The following ADAMTSL1 variants were observed in gnomAD, a reference collection of about 807,000 sequenced individuals.
The protein encoded by ADAMTSL1 is ADAMTS like 1.
ADAMTSL1 carries 126 observed loss-of-function variants against 201.8 expected under a neutral mutation model. The observed-to-expected ratio is 0.62, with a 90% confidence interval of 0.54 to 0.72. The LOEUF is 0.72. Among genes scored for constraint, ADAMTSL1 ranks in the 30% least tolerant of loss-of-function variants. The probability of loss-of-function intolerance (pLI) is 0.00; values close to 1 mark genes in which losing one functional copy is unlikely to be tolerated. For synonymous variants in ADAMTSL1, 1,121 were observed against 903.4 expected, an observed-to-expected ratio of 1.24 and a Z score of -4.32; for missense variants, 2,679 against 2,277.8, an observed-to-expected ratio of 1.18 and a Z score of -3.59.
chr9:18,859,506 T>C (rs1260944933), intron 23 of ADAMTSL1, among the ~76,000 whole-genome samples: 1 of 152,206 alleles, frequency 6.6e-6, no homozygotes, highest in Non-Finnish European at 1.5e-5. Flanking sequence ...GGGATTAGGG[T>C]GTGGATTTCT....
chr9:18,745,683 T>C lies in ADAMTSL1; in HGVS notation c.2007-7615T>C, dbSNP rs7853353. On this transcript the variant is annotated intron_variant, in intron 15 of 28. Transcript: ENST00000380548. The stretch of plus-strand genomic sequence containing the variant: ...ATATGTATAGTTGTATATACTCATT[T>C]ATATCTGTTGATATATCTGTGTCTA... Among the ~76,000 whole-genome samples the C allele has an allele frequency of 1.1e-3, 173 of 152,364 alleles. 1 individual carries two copies. The highest frequency in any genetic ancestry group is 3.8e-3 in the African/African-American group (158 of 41,582).
intron 15 of ADAMTSL1, 48 bp downstream of exon 15, chr9:18,721,713 T>G (rs897968984): frequency 1.9e-5 from 30 of 1,583,856 alleles, no homozygotes; most frequent in Non-Finnish European, 2.3e-5. Flanking sequence ...CGTACAGAAC[T>G]GGGCGCATCT....
At chr9:18,640,287 C>G (rs1827357970) in intron 7 of ADAMTSL1, among the ~76,000 whole-genome samples, 1 of 152,148 alleles carries the variant, frequency 6.6e-6, no homozygotes, top group African/African-American at 2.4e-5. Context: ...GAGCAAGAAG[C>G]TACAAGCCAT....
chr9:18,187,668 C>G (rs1346385018), intron 2 of ADAMTSL1, among the ~76,000 whole-genome samples: 1 of 151,984 alleles, frequency 6.6e-6, no homozygotes, highest in Non-Finnish European at 1.5e-5. Flanking sequence ...TTTGGACTTT[C>G]TTCCCTGTAA....
chr9:18,726,241 A>G lies in ADAMTSL1; in HGVS notation c.2006+4576A>G, dbSNP rs1587993382. On this transcript the variant is annotated intron_variant, in intron 15 of 28. Transcript: ENST00000380548. ...CTTCAGTCTGGGCGTGGTGGCTCACACCTGTAATCCCAGTACTTTGGGAGG... is the reference window on the plus strand; with the variant it reads ...CTTCAGTCTGGGCGTGGTGGCTCACGCCTGTAATCCCAGTACTTTGGGAGG... Among the ~76,000 whole-genome samples, 4 of 152,312 alleles carry G rather than the reference A, an allele frequency of 2.6e-5. No individual in the cohort carries two copies. The East Asian group carries it at 7.7e-4, about 29-fold the overall frequency.
At chr9:18,232,410 T>G (rs1238231184) in intron 2 of ADAMTSL1, among the ~76,000 whole-genome samples, 1 of 152,204 alleles carries the variant, frequency 6.6e-6, no homozygotes, top group Non-Finnish European at 1.5e-5. Context: ...GGCCTGCAAC[T>G]TCCCTTCTCC....
chr9:18,450,015 T>C (rs569814807), intron 2 of ADAMTSL1, among the ~76,000 whole-genome samples: 1 of 152,326 alleles, frequency 6.6e-6, no homozygotes, highest in South Asian at 2.1e-4. Context: ...AGCAATCCCA[T>C]TCCTAGGTAT....
At chr9:18,070,540 A>G (rs1364462078) in intron 1 of ADAMTSL1, among the ~76,000 whole-genome samples, 2 of 152,208 alleles carry the variant, frequency 1.3e-5, no homozygotes, top group African/African-American at 4.8e-5. Context: ...TGCAAATTTG[A>G]GGAAGCGTTT....
intron 25 of ADAMTSL1, chr9:18,890,699 G>C (rs1317403214): frequency 4.8e-6 from 2 of 413,962 alleles, no homozygotes; most frequent in Non-Finnish European, 9.8e-6. Context: ...CTGTAACATA[G>C]CCTGGCCCGC....
chr9:18,843,135 G>T (rs1825843855), intron 23 of ADAMTSL1, among the ~76,000 whole-genome samples: 1 of 150,688 alleles, frequency 6.6e-6, no homozygotes, highest in Non-Finnish European at 1.5e-5. Context: ...AGCCTCAATG[G>T]TCTTTACAAT....
chr9:18,841,399 G>C (rs1280462842), intron 23 of ADAMTSL1, among the ~76,000 whole-genome samples: 2 of 152,008 alleles, frequency 1.3e-5, no homozygotes, highest in African/African-American at 4.8e-5. Context: ...ACTTGATCAT[G>C]GTGGATAAGC....
intron 1 of ADAMTSL1, among the ~76,000 whole-genome samples, chr9:17,969,017 T>C (rs1027248499): frequency 5.9e-5 from 9 of 152,188 alleles, no homozygotes; most frequent in African/African-American, 1.7e-4. Flanking sequence ...AGGAGTTCTG[T>C]ATGATAAAAA....
In ADAMTSL1 at chr9:18,511,775, T is replaced by C. The variant is rs530707255; in HGVS notation, c.191+6819T>C. Among the ~76,000 whole-genome samples, 10 of 152,330 alleles carry C rather than the reference T, an allele frequency of 6.6e-5. No homozygotes were observed. The South Asian group carries it at 2.1e-3, about 32-fold the overall frequency. On this transcript the variant is annotated intron_variant, in intron 2 of 28. Coordinates refer to ENST00000380548, the MANE Select transcript of ADAMTSL1 (RefSeq NM_001040272.6). ...TATAGGCTTTAGTTAGCATCTTATT[T>C]CTATACCGTATAATAATAAATACCA... is the stretch of plus-strand genomic sequence containing the variant.
chr9:18,481,293 C>T (rs1362991383), intron 1 of ADAMTSL1, among the ~76,000 whole-genome samples: 1 of 152,072 alleles, frequency 6.6e-6, no homozygotes, highest in East Asian at 1.9e-4. Flanking sequence ...ATCTGTAATC[C>T]CAGCACTCTG....
At chr9:17,932,710 T>A (rs1264253387) in intron 1 of ADAMTSL1, among the ~76,000 whole-genome samples, 1 of 152,186 alleles carries the variant, frequency 6.6e-6, no homozygotes, top group African/African-American at 2.4e-5. Context: ...TAGTGCAGGC[T>A]ATCCTGGAAA....
intron 1 of ADAMTSL1, among the ~76,000 whole-genome samples, chr9:17,956,660 T>C (rs1217418199): frequency 6.6e-6 from 1 of 152,172 alleles, no homozygotes; most frequent in Non-Finnish European, 1.5e-5. Context: ...GTATGTAGCA[T>C]TATTTCTGCC....
At chr9:18,459,680 C>T (rs939391078) in intron 2 of ADAMTSL1, among the ~76,000 whole-genome samples, 2 of 152,040 alleles carry the variant, frequency 1.3e-5, no homozygotes, top group Admixed American at 6.6e-5. Flanking sequence ...TCAAATTTTA[C>T]AAAAATTGAT....
intron 1 of ADAMTSL1, among the ~76,000 whole-genome samples, chr9:18,131,688 C>G (rs1267366797): frequency 6.6e-6 from 1 of 152,148 alleles, no homozygotes; most frequent in African/African-American, 2.4e-5. Context: ...CCTCTCTCAT[C>G]ATTTCCCTCT....
intron 1 of ADAMTSL1, among the ~76,000 whole-genome samples, chr9:17,965,652 T>G (rs985196469): frequency 4.6e-5 from 7 of 152,218 alleles, no homozygotes; most frequent in Non-Finnish European, 8.8e-5. Context: ...ATTCAGAGTT[T>G]TGACAATTCC....
Sources: allele counts gnomAD v4.1 joint callset (sites outside exome capture counted in the v4.1 genomes callset), GRCh38; gene constraint gnomAD v4.1.1; transcripts MANE v1.5; gene names NCBI Gene and HGNC (gene_info 2026-07-23, HGNC 2026-07-21).